MAP7: variants seen among roughly 807,000 people sequenced by gnomAD.
The protein encoded by MAP7 is microtubule associated protein 7.
Under a neutral mutation model 94.8 loss-of-function variants are expected in MAP7, and 52 were observed. The ratio of observed to expected loss-of-function variants is 0.55; its 90% CI spans 0.44 to 0.69. The LOEUF is 0.69. Among genes scored for constraint, MAP7 ranks in the 30% least tolerant of loss-of-function variants. MAP7 has a pLI of 0.00. For missense variants in MAP7, 940 were observed against 964.6 expected (o/e 0.97, Z 0.34); for synonymous variants, 350 against 357.0 (o/e 0.98, Z 0.22).
At position 136,527,837 on chromosome 6, in the gene MAP7, G is replaced by GA. The variant is rs1457511597; in HGVS notation, c.67+22504dup. Among the ~76,000 whole-genome samples the GA allele has an allele frequency of 5.9e-5, 9 of 151,812 alleles. No homozygotes were observed. In the East Asian group the frequency reaches 1.2e-3, roughly 20 times the overall value. On this transcript the variant is annotated intron_variant, in intron 1 of 17. Coordinates refer to ENST00000354570, the MANE Select transcript of MAP7 (RefSeq NM_003980.6). ...ACTAAATTGTGAGCAAACACATGCTGAAAAAAATAAATGAATCTTAAGAAC... is the reference window on the plus strand; with the variant it reads ...ACTAAATTGTGAGCAAACACATGCTGAAAAAAAATAAATGAATCTTAAGAAC...
intron 1 of MAP7, among the ~76,000 whole-genome samples, chr6:136,431,447 A>G (rs2128808041): frequency 1.3e-5 from 2 of 152,262 alleles, no homozygotes; most frequent in Middle Eastern, 3.4e-3. Flanking sequence ...GGGCTATATC[A>G]TTCCATTCCA....
At chr6:136,547,546 G>A (rs1311972325) in intron 1 of MAP7, among the ~76,000 whole-genome samples, 1 of 152,060 alleles carries the variant, frequency 6.6e-6, no homozygotes. Flanking sequence ...ATCCTCTAGT[G>A]GTGATGTCTT....
At chr6:136,442,965 G>A (rs1355875328) in intron 1 of MAP7, among the ~76,000 whole-genome samples, 2 of 152,088 alleles carry the variant, frequency 1.3e-5, no homozygotes, top group Non-Finnish European at 2.9e-5. Flanking sequence ...AACAGCATTA[G>A]CAAGAAAATA....
chr6:136,400,403 G>A (rs1405992336), intron 3 of MAP7, among the ~76,000 whole-genome samples: 1 of 147,154 alleles, frequency 6.8e-6, no homozygotes, highest in East Asian at 2.0e-4. Context: ...GCAACAGGGC[G>A]AGACTCTGTC....
intron 3 of MAP7, among the ~76,000 whole-genome samples, chr6:136,396,884 A>C (rs73565409): frequency 0.017 from 2,528 of 152,312 alleles, 40 homozygotes; most frequent in East Asian, 0.039. Flanking sequence ...TTGTCGTCAT[A>C]ATCATTATAA....
chr6:136,463,635 T>C (rs1466103908), intron 1 of MAP7, among the ~76,000 whole-genome samples: 1 of 152,204 alleles, frequency 6.6e-6, no homozygotes, highest in Non-Finnish European at 1.5e-5. Context: ...TAGTTTATAT[T>C]GGAGTAACAC....
intron 1 of MAP7, among the ~76,000 whole-genome samples, chr6:136,534,434 C>T (rs190411018): frequency 6.6e-6 from 1 of 152,338 alleles, no homozygotes; most frequent in African/African-American, 2.4e-5. Flanking sequence ...ATCATAGTTA[C>T]AAAATACCTT....
At chr6:136,374,941 C>T (rs1012512595) in intron 7 of MAP7, among the ~76,000 whole-genome samples, 1 of 151,912 alleles carries the variant, frequency 6.6e-6, no homozygotes, top group African/African-American at 2.4e-5. Flanking sequence ...GTTATTTTTT[C>T]CCAGAGTACA....
chr6:136,390,561 A>G (rs539563465), intron 3 of MAP7, among the ~76,000 whole-genome samples: 2 of 152,210 alleles, frequency 1.3e-5, no homozygotes, highest in South Asian at 2.1e-4. Context: ...GCTGAGGTGC[A>G]AGAATCACTT....
chr6:136,470,844 G>GA (rs3040713), intron 1 of MAP7, among the ~76,000 whole-genome samples: 3,405 of 149,118 alleles, frequency 0.023, 74 homozygotes, highest in African/African-American at 0.05. Context: ...CACTTCCTCT[G>GA]AAAAAAAAAA....
At chr6:136,371,940 T>G (rs1774633884) in intron 8 of MAP7, among the ~76,000 whole-genome samples, 1 of 152,240 alleles carries the variant, frequency 6.6e-6, no homozygotes, top group African/African-American at 2.4e-5. Context: ...CCTAACAGCC[T>G]TTTACGAATT....
chr6:136,537,536 C>T (rs1185794475), intron 1 of MAP7, among the ~76,000 whole-genome samples: 1 of 152,168 alleles, frequency 6.6e-6, no homozygotes, highest in East Asian at 1.9e-4. Context: ...GGCATCTTCA[C>T]CAGGATATTG....
chr6:136,413,729 C>T (rs1788268309), intron 2 of MAP7, among the ~76,000 whole-genome samples: 1 of 152,144 alleles, frequency 6.6e-6, no homozygotes, highest in African/African-American at 2.4e-5. Flanking sequence ...CCTCCCACCT[C>T]AGTCTCCTGA....
At chr6:136,524,588 A>G (rs1305108781) in intron 1 of MAP7, among the ~76,000 whole-genome samples, 1 of 152,242 alleles carries the variant, frequency 6.6e-6, no homozygotes, top group Admixed American at 6.5e-5. Flanking sequence ...GCCAGGTCTG[A>G]TAGTAAATAA....
At chr6:136,480,746 G>A (rs1229184306) in intron 1 of MAP7, among the ~76,000 whole-genome samples, 2 of 151,064 alleles carry the variant, frequency 1.3e-5, no homozygotes, top group East Asian at 3.9e-4. Flanking sequence ...CAGAGGCACA[G>A]GCAACCAAAG....
At chr6:136,491,894 A>C (rs1176249064) in intron 1 of MAP7, among the ~76,000 whole-genome samples, 1 of 152,238 alleles carries the variant, frequency 6.6e-6, no homozygotes, top group Admixed American at 6.5e-5. Context: ...TCTACATAAC[A>C]AATAGTCACC....
chr6:136,437,304 G>A (rs932322188), intron 1 of MAP7, among the ~76,000 whole-genome samples: 3 of 152,126 alleles, frequency 2.0e-5, no homozygotes, highest in African/African-American at 4.8e-5. Flanking sequence ...TAGAAGCCCC[G>A]GCAGGAACCA....
chr6:136,505,277 G>GTATATA (rs56764706), intron 1 of MAP7, among the ~76,000 whole-genome samples: 995 of 53,768 alleles, frequency 0.019, 20 homozygotes, highest in East Asian at 0.023. Context: ...GTGTGTGTGT[G>GTATATA]TATATATATA....
chr6:136,347,860 A>C lies in MAP7; in HGVS notation c.2016-1781T>G, dbSNP rs190061642. ...GCCTGTCCTAAGTGTCTCACAAGGCATTGCAGAATACACTGAAAACATTAT... is the reference window on the plus strand; with the variant it reads ...GCCTGTCCTAAGTGTCTCACAAGGCCTTGCAGAATACACTGAAAACATTAT... On this transcript the variant is annotated intron_variant, in intron 16 of 17. Transcript: ENST00000354570. Among the ~76,000 whole-genome samples the C allele has an allele frequency of 1.8e-4, 27 of 152,368 alleles. 1 individual carries two copies. The East Asian group carries it at 5.0e-3, about 28-fold the overall frequency.
Sources: gnomAD v4.1 joint callset for allele counts (sites outside exome capture counted in the v4.1 genomes callset) on GRCh38, gnomAD v4.1.1 for gene constraint, MANE v1.5 for transcripts, NCBI Gene and HGNC (gene_info 2026-07-23, HGNC 2026-07-21) for gene names.